CFAP46: variants seen among roughly 807,000 people sequenced by gnomAD.
CFAP46 encodes cilia- and flagella-associated protein 46.
A neutral mutation model predicts 325.7 loss-of-function variants in CFAP46; 245 were observed. The ratio of observed to expected loss-of-function variants is 0.75; its 90% CI spans 0.68 to 0.84. CFAP46 has a LOEUF of 0.84. CFAP46 is among the 40% of genes least tolerant of loss of function. The pLI, the probability that CFAP46 is intolerant of heterozygous loss-of-function variation, is 0.00. For missense variants in CFAP46, 3,346 were observed against 3,543.0 expected (o/e 0.94, Z 1.41); for synonymous variants, 1,523 against 1,495.9 (o/e 1.02, Z -0.42).
At position 132,866,021 on chromosome 10, in the gene CFAP46, T is replaced by C; in HGVS notation, c.4890+4A>G. On this transcript the variant is annotated splice_donor_region_variant and intron_variant, in intron 35 of 57. Transcript: ENST00000368586. ...ATGGTGATGGGCTGGGAGGGGCTCCTCACCTGGAAAGCCAGGTAAGCCTCC... is the reference window on the plus strand; with the variant it reads ...ATGGTGATGGGCTGGGAGGGGCTCCCCACCTGGAAAGCCAGGTAAGCCTCC... 6.7e-7 allele frequency: 1 copy of C among 1,501,466 alleles called. No homozygotes were observed. The highest frequency in any genetic ancestry group is 2.5e-5 in the East Asian group (1 of 39,404). The allele number at this position is 1,501,466 out of a possible 1,614,324, so 93.0% of individuals were successfully genotyped here.
intron 50 of CFAP46, among the ~76,000 whole-genome samples, chr10:132,819,031 A>T (rs1338050401): frequency 6.6e-6 from 1 of 152,204 alleles, no homozygotes; most frequent in African/African-American, 2.4e-5. Flanking sequence ...AACATACAAA[A>T]ATCAGTAGTA....
At chr10:132,861,078 G>C (rs1387654590) in intron 35 of CFAP46, 96 bp from the exon 36 acceptor site, 9 of 1,224,342 alleles carry the variant, frequency 7.4e-6, no homozygotes, top group Non-Finnish European at 1.0e-5. Flanking sequence ...GGGAGACAGA[G>C]AGGCAGAGAC....
At position 132,847,299 on chromosome 10, in the gene CFAP46, A is replaced by C; in HGVS notation, c.5975T>G (p.Leu1992Arg). The C allele has an allele frequency of 6.2e-7, 1 of 1,613,430 alleles. No homozygotes were observed. The highest frequency in any genetic ancestry group is 1.1e-5 in the South Asian group (1 of 91,066). ...GPSVGAKLSG[L>R]KSLELEVEEE... ...CTCTACCTCCAGCTCCAGAGACTTGAGGCCGCTCAGCTTGGCGCCCACCTG... is the reference window on the plus strand; with the variant it reads ...CTCTACCTCCAGCTCCAGAGACTTGCGGCCGCTCAGCTTGGCGCCCACCTG... The change falls in exon 42 of 58, where the codon CTC becomes CGC. Residue 1992 changes from leucine to arginine, a missense_variant. Leu to Arg is a moderately radical substitution (Grantham distance 102, BLOSUM62 -2). Transcript: ENST00000368586. The surrounding 1 kb of genome is among the most constrained non-coding windows in gnomAD (Gnocchi z 5.2).
intron 17 of CFAP46, among the ~76,000 whole-genome samples, chr10:132,915,909 A>T (rs1340758234): frequency 6.6e-6 from 1 of 152,172 alleles, no homozygotes; most frequent in Non-Finnish European, 1.5e-5. Context: ...AAAACGGTAA[A>T]ATTCTTGTCA....
intron 25 of CFAP46, among the ~76,000 whole-genome samples, chr10:132,887,764 T>C (rs1849179853): frequency 1.2e-5 from 1 of 86,548 alleles, no homozygotes. Context: ...CCCTCTTCTC[T>C]CCTCTCCCTT....
At chr10:132,908,777 C>T in intron 21 of CFAP46, 143 bp from the exon 22 acceptor site, 2 of 1,079,748 alleles carry the variant, frequency 1.9e-6, no homozygotes, top group Non-Finnish European at 2.6e-6. Context: ...AAAAGCTGAG[C>T]TGCCACGTCC....
intron 27 of CFAP46, among the ~76,000 whole-genome samples, chr10:132,881,995 G>A (rs1044673544): frequency 7.4e-5 from 11 of 149,510 alleles, no homozygotes; most frequent in Non-Finnish European, 1.0e-4. Context: ...GGGATGTGGG[G>A]TATGTGTGGT....
At chr10:132,819,039 G>A (rs1847748158) in intron 50 of CFAP46, among the ~76,000 whole-genome samples, 1 of 151,990 alleles carries the variant, frequency 6.6e-6, no homozygotes, top group South Asian at 2.1e-4. Flanking sequence ...AAAATCAGTA[G>A]TATTTCTATA....
In CFAP46 at chr10:132,817,675, G is replaced by A. The variant is rs894171179; in HGVS notation, c.7118-2761C>T. On this transcript the variant is annotated intron_variant, in intron 50 of 57. Transcript: ENST00000368586. The surrounding 1 kb of genome is among the most constrained non-coding windows in gnomAD (Gnocchi z 4.4). ...CACCTGGCGGCGCCCCAGACTCAGC[G>A]GTTGGCGGCTGAGGACACTCAAGGC... Among the ~76,000 whole-genome samples, 4 of 152,216 alleles carry A rather than the reference G, an allele frequency of 2.6e-5. No homozygotes were observed. The highest frequency in any genetic ancestry group is 3.2e-3 in the Middle Eastern group (1 of 316).
chr10:132,938,480 G>T, intron 5 of CFAP46, 109 bp downstream of exon 5: 1 of 1,053,224 alleles, frequency 9.5e-7, no homozygotes, highest in Non-Finnish European at 1.4e-6. Context: ...CATGGAGTGT[G>T]CCCCAGTGAT....
At position 132,833,361 on chromosome 10, in the gene CFAP46, T is replaced by A; in HGVS notation, c.7114A>T (p.Thr2372Ser). 1 of 1,613,548 alleles carries A rather than the reference T, an allele frequency of 6.2e-7. No individual in the cohort carries two copies. Among genetic ancestry groups the A allele is most frequent in the Non-Finnish European group, 8.5e-7 (1 of 1,179,606 alleles). ...MLWNRLHKEE[T>S]EGGVKKEGRS... Reference sequence around the variant, plus strand: ...GGTGGCTGAGGGCAGTTCCTACCTGTCTCTTCTTTATGGAGGCGATTCCAC... The same window carrying A: ...GGTGGCTGAGGGCAGTTCCTACCTGACTCTTCTTTATGGAGGCGATTCCAC... The change falls in exon 50 of 58, where the codon ACA becomes TCA. Residue 2372 changes from threonine to serine, a missense_variant. Physicochemically the swap from Thr to Ser is moderately conservative, Grantham distance 58. Transcript: ENST00000368586.
intron 50 of CFAP46, among the ~76,000 whole-genome samples, chr10:132,829,792 T>C (rs962731023): frequency 6.6e-6 from 1 of 152,262 alleles, no homozygotes; most frequent in African/African-American, 2.4e-5. Context: ...ATAGTCTTTA[T>C]TTTTTAGCTT....
At chr10:132,930,630 CTCT>C (rs1379589747) in intron 8 of CFAP46, among the ~76,000 whole-genome samples, 1 of 114,598 alleles carries the variant, frequency 8.7e-6, no homozygotes, top group Non-Finnish European at 1.8e-5. Context: ...GGCCTCCCTC[CTCT>C]CCACACAGAG....
In CFAP46 at chr10:132,836,149, C is replaced by T. The variant is rs747564572; in HGVS notation, c.6606G>A (p.Ala2202=). 1.4e-5 allele frequency: 22 copies of T among 1,607,352 alleles called. No individual in the cohort carries two copies. The highest frequency in any genetic ancestry group is 2.2e-5 in the South Asian group (2 of 90,650). ...FITAAKGKVQ[A]VGGSCKVMRL... is the part of the protein sequence containing the mutation. The stretch of plus-strand genomic sequence containing the variant: ...CCCTGCAGCCCTGCTCACCTCCCAC[C>T]GCCTGCACCTTTCCTTTGGCTGCAG... The change falls in exon 46 of 58, where the codon GCG becomes GCA. Residue 2202 remains alanine (A), a synonymous_variant. Transcript: ENST00000368586.
At chr10:132,830,225 C>A (rs951381879) in intron 50 of CFAP46, among the ~76,000 whole-genome samples, 1 of 151,906 alleles carries the variant, frequency 6.6e-6, no homozygotes, top group Admixed American at 6.6e-5. Flanking sequence ...CTCACTGCAA[C>A]CTCCACCTCC....
At chr10:132,912,297 T>C (rs1209272863) in intron 19 of CFAP46, among the ~76,000 whole-genome samples, 1 of 98,248 alleles carries the variant, frequency 1.0e-5, no homozygotes, top group South Asian at 3.9e-4. Context: ...CCTCTCTCTC[T>C]CCTCTCTTTC....
chr10:132,810,886 C>T (rs779691038), intron 56 of CFAP46, 64 bp downstream of exon 56: 16 of 1,458,962 alleles, frequency 1.1e-5, no homozygotes, highest in Admixed American at 9.8e-5. Flanking sequence ...GTGGGTCCCA[C>T]GCCCGTCTGT....
intron 35 of CFAP46, among the ~76,000 whole-genome samples, chr10:132,863,882 CTGAGACCTGCACACACCTGTCCCCAG>C (rs1591061210): frequency 6.8e-6 from 1 of 147,426 alleles, no homozygotes; most frequent in East Asian, 2.1e-4. Flanking sequence ...ACCTGTCCCC[CTGAGACCTGCACACACCTGTCCCCAG>C]TGCCTGAGAC....
chr10:132,808,649 G>C lies in CFAP46; in HGVS notation c.7920C>G (p.Ser2640=). The C allele has an allele frequency of 6.2e-7, 1 of 1,600,214 alleles. No homozygotes were observed. Among genetic ancestry groups the C allele is most frequent in the Non-Finnish European group, 8.5e-7 (1 of 1,173,478 alleles). The change falls in exon 58 of 58, where the codon TCC becomes TCG. Residue 2640 remains serine (S), a synonymous_variant. Transcript: ENST00000368586. The surrounding 1 kb of genome is among the most constrained non-coding windows in gnomAD (Gnocchi z 6.8). ...SQLALPFLGL[S]PALGAASARD... is the part of the protein sequence containing the mutation. The stretch of plus-strand genomic sequence containing the variant: ...TGGCTGAGGCTGCACCAAGGGCTGG[G>C]GAGAGGCCCAGGAAGGGGAGAGCGA...
Sources: allele counts gnomAD v4.1 joint callset (sites outside exome capture counted in the v4.1 genomes callset), GRCh38; gene constraint gnomAD v4.1.1; non-coding constraint Gnocchi (gnomAD v3.1); transcripts MANE v1.5; gene names NCBI Gene and HGNC (gene_info 2026-07-23, HGNC 2026-07-21).